Variants in CEP112 observed in about 807,000 individuals in gnomAD.
CEP112 encodes the protein centrosomal protein 112, also known as centrosomal protein of 112 kDa.
In CEP112, 127 loss-of-function variants were observed where a neutral mutation model predicts 153.0. That is an observed-to-expected ratio of 0.83 (90% confidence interval 0.72 to 0.96). CEP112 has a LOEUF of 0.96. Ranked by LOEUF, CEP112 falls within the 40% of genes least tolerant of loss-of-function variation. The probability of loss-of-function intolerance (pLI) is 0.00; values close to 1 mark genes in which losing one functional copy is unlikely to be tolerated. For synonymous variants in CEP112, 358 were observed against 374.4 expected (o/e 0.96, Z 0.51); for missense variants, 1,089 against 1,101.2 (o/e 0.99, Z 0.16).
intron 18 of CEP112, among the ~76,000 whole-genome samples, chr17:65,937,563 AG>A (rs2061369816): frequency 1.3e-5 from 1 of 75,708 alleles, no homozygotes; most frequent in African/African-American, 4.7e-5. Context: ...TCCGGGAGGG[AG>A]GTGGGGGGGG....
chr17:66,054,809 TG>T (rs1367961250), intron 11 of CEP112, among the ~76,000 whole-genome samples: 6 of 152,184 alleles, frequency 3.9e-5, no homozygotes, highest in African/African-American at 1.4e-4. Flanking sequence ...CAGGCTGGAG[TG>T]CAGTGGTGCA....
rs186204465 is a variant in CEP112 at position 65,741,640 on chromosome 17, A to T, written c.2607+1428T>A. Reference sequence around the variant, plus strand: ...ATCATCAAGAAACAATACCAGAACTATGCTGTCAGGAGTATATTCATATTT... The same window carrying T: ...ATCATCAAGAAACAATACCAGAACTTTGCTGTCAGGAGTATATTCATATTT... On this transcript the variant is annotated intron_variant, in intron 23 of 26. Transcript: ENST00000535342. Among the ~76,000 whole-genome samples, 1,198 of 151,968 alleles carry T rather than the reference A, an allele frequency of 7.9e-3. 14 individuals are homozygous for T. The highest frequency in any genetic ancestry group is 0.013 in the Non-Finnish European group (907 of 67,900).
intron 18 of CEP112, among the ~76,000 whole-genome samples, chr17:65,944,180 G>C (rs1024809449): frequency 6.6e-6 from 1 of 152,186 alleles, no homozygotes; most frequent in Non-Finnish European, 1.5e-5. Context: ...GACACAGGGA[G>C]GGGAGAGCAT....
intron 11 of CEP112, among the ~76,000 whole-genome samples, chr17:66,061,761 G>C (rs1245228284): frequency 1.3e-5 from 2 of 152,144 alleles, no homozygotes; most frequent in Non-Finnish European, 2.9e-5. Context: ...GTAGAGAACA[G>C]ATAGCGATTA....
At chr17:65,959,471 G>A (rs2062120059) in intron 18 of CEP112, among the ~76,000 whole-genome samples, 1 of 152,218 alleles carries the variant, frequency 6.6e-6, no homozygotes, top group African/African-American at 2.4e-5. Context: ...AGGGCTAAAA[G>A]AGCTGCAACA....
At chr17:66,091,768 C>A (rs1218072681) in intron 8 of CEP112, among the ~76,000 whole-genome samples, 1 of 151,196 alleles carries the variant, frequency 6.6e-6, no homozygotes, top group Non-Finnish European at 1.5e-5. Flanking sequence ...AAAAGATAAA[C>A]AAAATTGACA....
chr17:66,183,990 T>C (rs1369706056), intron 1 of CEP112, among the ~76,000 whole-genome samples: 2 of 151,660 alleles, frequency 1.3e-5, no homozygotes, highest in Non-Finnish European at 3.0e-5. Context: ...AGCTCATGCC[T>C]GTAATCCCAG....
At chr17:65,754,746 G>T in intron 21 of CEP112, among the ~76,000 whole-genome samples, 1 of 152,196 alleles carries the variant, frequency 6.6e-6, no homozygotes, top group Non-Finnish European at 1.5e-5. Flanking sequence ...GGTCCTGCAC[G>T]GTGTTGAACG....
At chr17:65,971,269 T>C (rs1448363007) in intron 17 of CEP112, among the ~76,000 whole-genome samples, 1 of 152,206 alleles carries the variant, frequency 6.6e-6, no homozygotes, top group Non-Finnish European at 1.5e-5. Context: ...ACTGCACACA[T>C]GTACAGCACA....
At chr17:65,931,284 T>C (rs1435720630) in intron 18 of CEP112, among the ~76,000 whole-genome samples, 1 of 152,088 alleles carries the variant, frequency 6.6e-6, no homozygotes, top group African/African-American at 2.4e-5. Flanking sequence ...TTCCAGAACA[T>C]AGGAGTGAGG....
At chr17:66,173,463 G>C (rs1467568198) in intron 4 of CEP112, among the ~76,000 whole-genome samples, 2 of 152,170 alleles carry the variant, frequency 1.3e-5, no homozygotes, top group East Asian at 3.8e-4. Context: ...ATTCAGTCCA[G>C]GAAGATCACA....
intron 19 of CEP112, among the ~76,000 whole-genome samples, chr17:65,909,327 A>G (rs1226274293): frequency 6.6e-6 from 1 of 152,234 alleles, no homozygotes; most frequent in African/African-American, 2.4e-5. Context: ...GTGGTTCTCC[A>G]TATTCTCTGG....
At position 65,902,297 on chromosome 17, in the gene CEP112, G is replaced by A. The variant is rs747385055; in HGVS notation, c.2018C>T (p.Thr673Met). 16 of 1,613,520 alleles carry A rather than the reference G, an allele frequency of 9.9e-6. No homozygotes were observed. The highest frequency in any genetic ancestry group is 4.5e-5 in the East Asian group (2 of 44,860). Reference sequence around the variant, plus strand: ...TGCGTTATGCTGCTGTAATAGGTGCGTCTTCTCCTGTTCATGCTCCAGCTT... The same window carrying A: ...TGCGTTATGCTGCTGTAATAGGTGCATCTTCTCCTGTTCATGCTCCAGCTT... ...ELKLEHEQEK[T>M]HLLQQHNAEK... Residue 673 changes from threonine to methionine, a missense_variant, in exon 20 of 27, where the codon ACG (threonine) becomes ATG (methionine). Coordinates refer to ENST00000535342, the MANE Select transcript of CEP112 (RefSeq NM_001199165.4).
chr17:65,769,610 A>G (rs2053215648), intron 21 of CEP112, among the ~76,000 whole-genome samples: 1 of 152,118 alleles, frequency 6.6e-6, no homozygotes, highest in African/African-American at 2.4e-5. Flanking sequence ...AAATAAATCC[A>G]AACATATATG....
chr17:65,640,155 T>TATATATATATATATATATATA (rs1491163281), intron 25 of CEP112, among the ~76,000 whole-genome samples: 6 of 24,978 alleles, frequency 2.4e-4, no homozygotes, highest in Admixed American at 1.1e-3. Context: ...TATATATATA[T>TATATATATATATATATATATA]TTTTTTTTTT....
chr17:66,111,177 G>C (rs1006300306), intron 6 of CEP112, among the ~76,000 whole-genome samples: 4 of 152,276 alleles, frequency 2.6e-5, no homozygotes, highest in African/African-American at 7.2e-5. Flanking sequence ...ACACCAGTCA[G>C]AATGGCTACT....
intron 4 of CEP112, among the ~76,000 whole-genome samples, chr17:66,169,014 T>C (rs2072121845): frequency 6.6e-6 from 1 of 152,152 alleles, no homozygotes. Context: ...TCTCTATGTC[T>C]GTCATCGTAT....
At chr17:65,689,085 T>C (rs766896217) in intron 24 of CEP112, 44 bp downstream of exon 24, 1 of 1,403,548 alleles carries the variant, frequency 7.1e-7, no homozygotes, top group Admixed American at 1.7e-5. Flanking sequence ...CTTCTTGACC[T>C]AGAGAAAGTA....
At chr17:66,031,986 C>G (rs778230867) in intron 12 of CEP112, among the ~76,000 whole-genome samples, 1 of 152,080 alleles carries the variant, frequency 6.6e-6, no homozygotes, top group Non-Finnish European at 1.5e-5. Flanking sequence ...GGGCACCACA[C>G]CAGCAGTTTT....
Sources: gnomAD v4.1 joint callset for allele counts (sites outside exome capture counted in the v4.1 genomes callset) on GRCh38, gnomAD v4.1.1 for gene constraint, MANE v1.5 for transcripts, NCBI Gene and HGNC (gene_info 2026-07-23, HGNC 2026-07-21) for gene names.